Variants in WNT2 observed in about 807,000 individuals in gnomAD.
WNT2 encodes the protein Wnt family member 2.
In WNT2, 12 loss-of-function variants were observed where a neutral mutation model predicts 36.9. That is an observed-to-expected ratio of 0.33 (90% CI 0.21 to 0.53). The LOEUF (loss-of-function observed/expected upper bound fraction) is 0.53. WNT2 is among the 20% of genes least tolerant of loss of function. The pLI is 0.95. For synonymous variants in WNT2, 163 were observed against 174.6 expected (o/e 0.93, Z 0.52); for missense variants, 379 against 473.1 (o/e 0.80, Z 1.84).
chr7:117,313,450 T>A (rs1204322832), intron 3 of WNT2, among the ~76,000 whole-genome samples: 1 of 152,228 alleles, frequency 6.6e-6, no homozygotes, highest in Non-Finnish European at 1.5e-5. Flanking sequence ...TGAAGAATCA[T>A]GTGATTTACA....
rs1795343905 is a variant in WNT2 at position 117,322,258 on chromosome 7, T to C, written c.83+649A>G. ...CAAAGGAAAGCAGCAAAGTTACTCT[T>C]CGCGGGGACGGTTGTGAACAAGGTA... On this transcript the variant is annotated intron_variant, in intron 1 of 4. Transcript: ENST00000265441. The surrounding 1 kb of genome is among the most constrained non-coding windows in gnomAD (Gnocchi z 5.4). The C allele has an allele frequency of 6.6e-6, 1 of 152,252 alleles. No individual in the cohort carries two copies. The highest frequency in any genetic ancestry group is 2.4e-5 in the African/African-American group (1 of 41,426). 9.4% of individuals were successfully genotyped at this position (152,252 alleles called of 1,614,324 possible). A position where few individuals can be genotyped will look rare whatever the true frequency, so the allele number is the denominator to read the frequency against.
intron 3 of WNT2, among the ~76,000 whole-genome samples, chr7:117,311,976 T>C (rs1251745942): frequency 1.3e-5 from 2 of 152,212 alleles, no homozygotes; most frequent in African/African-American, 4.8e-5. Flanking sequence ...AGTATTTTCA[T>C]GGAATTCCTC....
intron 4 of WNT2, among the ~76,000 whole-genome samples, chr7:117,282,190 A>T (rs1794500853): frequency 6.6e-6 from 1 of 152,188 alleles, no homozygotes. Context: ...AGAGCATGAG[A>T]CATGCCTCTG....
rs918091481 is a variant in WNT2 at position 117,297,469 on chromosome 7, C to T, written c.853+143G>A. On this transcript the variant is annotated intron_variant, in intron 4 of 4. Coordinates refer to ENST00000265441, the MANE Select transcript of WNT2 (RefSeq NM_003391.3). ...ACAGGCATGAGCCACCGCGCCCAGCCCTGTACAGTTTCAATAAGAATGATA... is the reference window on the plus strand; with the variant it reads ...ACAGGCATGAGCCACCGCGCCCAGCTCTGTACAGTTTCAATAAGAATGATA... 5.3e-6 allele frequency: 6 copies of T among 1,131,994 alleles called. No individual in the cohort carries two copies. In the East Asian group the frequency reaches 7.6e-5, roughly 14 times the overall value. 70.1% of individuals were successfully genotyped at this position (1,131,994 alleles called of 1,614,324 possible).
chr7:117,309,971 G>A (rs1481858822), intron 3 of WNT2, among the ~76,000 whole-genome samples: 3 of 151,722 alleles, frequency 2.0e-5, no homozygotes, highest in Non-Finnish European at 4.4e-5. Context: ...TTTGATATGG[G>A]ATCTCACTAT....
chr7:117,307,628 A>T (rs1034312957), intron 3 of WNT2, among the ~76,000 whole-genome samples: 4 of 152,358 alleles, frequency 2.6e-5, no homozygotes, highest in Admixed American at 2.0e-4. Context: ...CTCCTAAGGA[A>T]GTTTTGGTTT....
intron 3 of WNT2, among the ~76,000 whole-genome samples, chr7:117,303,867 C>A (rs1794960570): frequency 6.6e-6 from 1 of 152,180 alleles, no homozygotes; most frequent in African/African-American, 2.4e-5. Context: ...TGGCTATCAC[C>A]TCACGTTTTC....
At chr7:117,302,906 T>G (rs1255011333) in intron 3 of WNT2, among the ~76,000 whole-genome samples, 2 of 152,112 alleles carry the variant, frequency 1.3e-5, no homozygotes, top group Non-Finnish European at 2.9e-5. Flanking sequence ...GTTTGAGGGA[T>G]TTCATGGTCT....
In WNT2 at chr7:117,320,744, G is replaced by C; in HGVS notation, c.133C>G (p.Pro45Ala). ...GSSRVMCDNV[P>A]GLVSSQRQLC... is the part of the protein sequence containing the mutation. ...TGCCGCTGGCTGCTCACCAGGCCTG[G>C]CACATTATCGCACATCACCCTGGAG... Residue 45 changes from proline to alanine, a missense_variant, in exon 2 of 5, where the codon CCA (proline) becomes GCA (alanine). Coordinates refer to ENST00000265441, the MANE Select transcript of WNT2 (RefSeq NM_003391.3). The C allele has an allele frequency of 6.2e-7, 1 of 1,613,474 alleles. No individual in the cohort carries two copies. Among genetic ancestry groups the C allele is most frequent in the Non-Finnish European group, 8.5e-7 (1 of 1,179,932 alleles).
chr7:117,279,072 A>T (rs1794434665), intron 4 of WNT2, among the ~76,000 whole-genome samples: 1 of 152,240 alleles, frequency 6.6e-6, no homozygotes, highest in African/African-American at 2.4e-5. Flanking sequence ...GGCCTTCAAT[A>T]AACAAAATTG....
intron 3 of WNT2, among the ~76,000 whole-genome samples, chr7:117,303,024 T>G (rs1402024570): frequency 3.3e-5 from 5 of 152,198 alleles, no homozygotes; most frequent in African/African-American, 1.2e-4. Context: ...TAGGTGTCAC[T>G]CCTGGCTACA....
At chr7:117,296,519 T>A (rs1204748799) in intron 4 of WNT2, among the ~76,000 whole-genome samples, 1 of 152,172 alleles carries the variant, frequency 6.6e-6, no homozygotes, top group Non-Finnish European at 1.5e-5. Context: ...CTAAGAGGAT[T>A]TTTTTTTCTG....
rs1794372046 is a variant in WNT2, at chr7:117,276,070, T to C, written c.*2085A>G. The stretch of plus-strand genomic sequence containing the variant: ...ATTTAATGGATAAAGTCCTACACTA[T>C]CTCAAACACTCAAGAGTGTGGTCCT... On this transcript the variant is annotated 3_prime_UTR_variant, in exon 5 of 5. Transcript: ENST00000265441. 6.6e-6 allele frequency among the ~76,000 whole-genome samples: 1 copy of C among 152,222 alleles called. No homozygotes were observed. The highest frequency in any genetic ancestry group is 2.1e-4 in the South Asian group (1 of 4,828).
rs141453648 is a variant in WNT2 at position 117,319,214 on chromosome 7, G to A, written c.310+1353C>T. ...GATTCACTGGCAAGATAATCTAGGT[G>A]AAGTCTTAAAATTCCATGAAGCTGA... is the stretch of plus-strand genomic sequence containing the variant. On this transcript the variant is annotated intron_variant, in intron 2 of 4. Transcript: ENST00000265441. Among the ~76,000 whole-genome samples the A allele has an allele frequency of 1.7e-3, 263 of 152,304 alleles. 2 individuals are homozygous for A. The highest frequency in any genetic ancestry group is 6.2e-3 in the African/African-American group (258 of 41,568).
At chr7:117,320,369 AT>A (rs1795300097) in intron 2 of WNT2, 197 bp downstream of exon 2, 1 of 599,910 alleles carries the variant, frequency 1.7e-6, no homozygotes, top group African/African-American at 1.9e-5. Context: ...CTTCCTTTTG[AT>A]TCACCTCTTA....
chr7:117,296,341 C>T (rs1794789903), intron 4 of WNT2, among the ~76,000 whole-genome samples: 1 of 152,310 alleles, frequency 6.6e-6, no homozygotes, highest in African/African-American at 2.4e-5. Context: ...ACTAGCTCAT[C>T]AAACCATGAA....
chr7:117,320,702 G>T lies in WNT2; in HGVS notation c.175C>A (p.Pro59Thr). Residue 59 changes from proline (P) to threonine (T), a missense_variant, in exon 2 of 5, where the codon CCA becomes ACA. By Grantham distance (38) the Pro-to-Thr change is conservative. Coordinates refer to ENST00000265441, the MANE Select transcript of WNT2 (RefSeq NM_003391.3). The stretch of plus-strand genomic sequence containing the variant: ...TGGCTAATGGCACGCATCACATCTG[G>T]ATGTCGGTGACACAGCTGCCGCTGG... ...SSQRQLCHRH[P>T]DVMRAISQGV... 3 of 1,614,036 alleles carry T rather than the reference G, an allele frequency of 1.9e-6. No homozygotes were observed. Among genetic ancestry groups the T allele is most frequent in the Non-Finnish European group, 2.5e-6 (3 of 1,179,996 alleles).
At chr7:117,297,514 C>A in intron 4 of WNT2, 98 bp downstream of exon 4, 3 of 1,438,878 alleles carry the variant, frequency 2.1e-6, no homozygotes, top group Non-Finnish European at 2.8e-6. Context: ...AGCTTTGAAC[C>A]TAAAGAGAGC....
chr7:117,296,907 C>T (rs1794800966), intron 4 of WNT2, among the ~76,000 whole-genome samples: 1 of 152,154 alleles, frequency 6.6e-6, no homozygotes, highest in East Asian at 1.9e-4. Context: ...TTGGCAATTT[C>T]TAAGCATATT....
Sources: allele counts gnomAD v4.1 joint callset (sites outside exome capture counted in the v4.1 genomes callset), GRCh38; gene constraint gnomAD v4.1.1; non-coding constraint Gnocchi (gnomAD v3.1); transcripts MANE v1.5; gene names NCBI Gene and HGNC (gene_info 2026-07-23, HGNC 2026-07-21).